Variants in REC114 observed in about 807,000 individuals in gnomAD.
The protein encoded by REC114 is REC114 meiotic recombination protein.
A neutral mutation model predicts 31.3 loss-of-function variants in REC114; 27 were observed. The ratio of observed to expected loss-of-function variants is 0.86; its 90% CI spans 0.64 to 1.19. REC114 has a LOEUF of 1.19. Among genes scored for constraint, REC114 ranks in the 50% most tolerant of loss-of-function variants. The pLI is 0.00. For synonymous variants in REC114, 134 were observed against 127.7 expected (o/e 1.05, Z -0.33); for missense variants, 344 against 326.9 (o/e 1.05, Z -0.40).
chr15:73,484,627 TTTCAAGCCAGG>T (rs1202903314), intron 2 of REC114, among the ~76,000 whole-genome samples: 1 of 152,196 alleles, frequency 6.6e-6, no homozygotes, highest in Non-Finnish European at 1.5e-5. Flanking sequence ...GAAGCCAAAG[TTTCAAGCCAGG>T]TTCTAAATAT....
intron 2 of REC114, among the ~76,000 whole-genome samples, chr15:73,496,186 G>C (rs565888051): frequency 3.3e-4 from 50 of 151,054 alleles, no homozygotes; most frequent in African/African-American, 1.2e-3. Flanking sequence ...ACTCCATCTC[G>C]ACTAAAAATA....
At chr15:73,444,936 C>G (rs1892745630) in intron 1 of REC114, among the ~76,000 whole-genome samples, 1 of 152,202 alleles carries the variant, frequency 6.6e-6, no homozygotes, top group Non-Finnish European at 1.5e-5. Flanking sequence ...TCTAACCAAG[C>G]TCTTGGGTGA....
intron 1 of REC114, among the ~76,000 whole-genome samples, chr15:73,466,569 C>T (rs1248516272): frequency 6.6e-6 from 1 of 152,078 alleles, no homozygotes; most frequent in African/African-American, 2.4e-5. Flanking sequence ...AGGAAAACAA[C>T]AACAACAAAA....
intron 2 of REC114, among the ~76,000 whole-genome samples, chr15:73,502,544 C>CT (rs1271855260): frequency 6.6e-6 from 1 of 152,084 alleles, no homozygotes; most frequent in Non-Finnish European, 1.5e-5. Flanking sequence ...AATACATTTA[C>CT]TTTTTATTAA....
At chr15:73,509,052 G>T (rs1462378371) in intron 2 of REC114, among the ~76,000 whole-genome samples, 1 of 151,898 alleles carries the variant, frequency 6.6e-6, no homozygotes, top group Non-Finnish European at 1.5e-5. Flanking sequence ...CTAGTTTACA[G>T]TCCCACCAAC....
At chr15:73,515,191 A>C (rs1893840909) in intron 2 of REC114, among the ~76,000 whole-genome samples, 1 of 152,170 alleles carries the variant, frequency 6.6e-6, no homozygotes, top group Admixed American at 6.5e-5. Context: ...TTGGCCTCCC[A>C]AAGTGCTGGG....
At chr15:73,551,279 T>C in intron 4 of REC114, 129 bp downstream of exon 4, 1 of 950,948 alleles carries the variant, frequency 1.1e-6, no homozygotes. Context: ...GTTCGGTGAC[T>C]TTTTAAAATT....
chr15:73,529,922 T>C (rs1343616213), intron 2 of REC114, among the ~76,000 whole-genome samples: 1 of 152,236 alleles, frequency 6.6e-6, no homozygotes, highest in Non-Finnish European at 1.5e-5. Flanking sequence ...ATAATAACTT[T>C]TCATGGCATA....
chr15:73,530,802 T>C (rs565699276), intron 2 of REC114, among the ~76,000 whole-genome samples: 5 of 152,014 alleles, frequency 3.3e-5, no homozygotes, highest in African/African-American at 1.2e-4. Flanking sequence ...AGCTCCAGGA[T>C]AGTGAGTCAG....
chr15:73,454,790 C>T (rs929588984), intron 1 of REC114, among the ~76,000 whole-genome samples: 2 of 152,122 alleles, frequency 1.3e-5, no homozygotes, highest in African/African-American at 4.8e-5. Context: ...CACTTTAAAC[C>T]CTTTCTCCTA....
At chr15:73,527,667 A>C (rs1015034363) in intron 2 of REC114, among the ~76,000 whole-genome samples, 1 of 152,180 alleles carries the variant, frequency 6.6e-6, no homozygotes, top group Non-Finnish European at 1.5e-5. Context: ...TGACCCTCTT[A>C]TTCCCTGTTG....
rs1008488448 is a variant in REC114 at position 73,448,103 on chromosome 15, T to G, written c.159+4759T>G. Among the ~76,000 whole-genome samples the G allele has an allele frequency of 1.4e-4, 22 of 151,826 alleles. No homozygotes were observed. The South Asian group carries it at 1.5e-3, about 10-fold the overall frequency. Reference sequence around the variant, plus strand: ...GCTAGCTGCAGGAGTTTGTTTGTTTTTTTTTTTTCACACGCCAGTGGCTAC... The same window carrying G: ...GCTAGCTGCAGGAGTTTGTTTGTTTGTTTTTTTTCACACGCCAGTGGCTAC... On this transcript the variant is annotated intron_variant, in intron 1 of 5. Transcript: ENST00000331090.
At chr15:73,513,378 C>T (rs1893804933) in intron 2 of REC114, among the ~76,000 whole-genome samples, 1 of 149,188 alleles carries the variant, frequency 6.7e-6, no homozygotes, top group African/African-American at 2.4e-5. Context: ...AACTTCTTTG[C>T]CTTTGGTTTG....
chr15:73,557,494 A>C (rs1017479580), intron 5 of REC114, among the ~76,000 whole-genome samples: 1 of 152,028 alleles, frequency 6.6e-6, no homozygotes, highest in Non-Finnish European at 1.5e-5. Flanking sequence ...ACAATCATAT[A>C]GAATAAAAAA....
At chr15:73,470,326 A>T (rs978819846) in intron 1 of REC114, among the ~76,000 whole-genome samples, 1 of 152,184 alleles carries the variant, frequency 6.6e-6, no homozygotes, top group Non-Finnish European at 1.5e-5. Context: ...GCATTTGCCC[A>T]TGTAATTATT....
At chr15:73,501,799 T>C (rs1005442122) in intron 2 of REC114, among the ~76,000 whole-genome samples, 2 of 152,140 alleles carry the variant, frequency 1.3e-5, no homozygotes, top group Admixed American at 1.3e-4. Context: ...GCAAGCTGAT[T>C]TTATGTTTGG....
chr15:73,466,183 A>G (rs1893055769), intron 1 of REC114, among the ~76,000 whole-genome samples: 1 of 151,928 alleles, frequency 6.6e-6, no homozygotes, highest in Non-Finnish European at 1.5e-5. Flanking sequence ...TAACTGTTTG[A>G]ACTTGGATTC....
intron 2 of REC114, among the ~76,000 whole-genome samples, chr15:73,530,451 C>G (rs1388574859): frequency 6.6e-6 from 1 of 152,114 alleles, no homozygotes; most frequent in African/African-American, 2.4e-5. Context: ...TGCTTGCGAC[C>G]AGCCCGTACA....
At chr15:73,547,686 A>G (rs2141333810) in intron 3 of REC114, among the ~76,000 whole-genome samples, 1 of 152,328 alleles carries the variant, frequency 6.6e-6, no homozygotes. Context: ...TGTGGTACTT[A>G]TACACAATGG....
Sources: gnomAD v4.1 joint callset for allele counts (sites outside exome capture counted in the v4.1 genomes callset) on GRCh38, gnomAD v4.1.1 for gene constraint, MANE v1.5 for transcripts, NCBI Gene and HGNC (gene_info 2026-07-23, HGNC 2026-07-21) for gene names.